The following CMSS1 variants were observed in gnomAD, a reference collection of about 807,000 sequenced individuals.
CMSS1 encodes protein CMSS1.
A neutral mutation model predicts 43.5 loss-of-function variants in CMSS1; 33 were observed. The observed-to-expected ratio is 0.76, with a 90% CI of 0.57 to 1.01. CMSS1 has a LOEUF of 1.01. CMSS1 is among the 50% of genes least tolerant of loss of function. The pLI is 0.00. For synonymous variants in CMSS1, 115 were observed against 117.2 expected (o/e 0.98, Z 0.12); for missense variants, 313 against 326.4 (o/e 0.96, Z 0.32).
intron 1 of CMSS1, among the ~76,000 whole-genome samples, chr3:99,996,628 C>T (rs1288380635): frequency 6.6e-6 from 1 of 152,068 alleles, no homozygotes; most frequent in East Asian, 1.9e-4. Flanking sequence ...CTTACAGTTC[C>T]ACATGTCTGG....
chr3:99,880,223 C>A (rs1162381897), intron 1 of CMSS1, among the ~76,000 whole-genome samples: 2 of 152,294 alleles, frequency 1.3e-5, no homozygotes, highest in Non-Finnish European at 2.9e-5. Flanking sequence ...AACCTCATTT[C>A]TTCACTCTTC....
intron 1 of CMSS1, among the ~76,000 whole-genome samples, chr3:99,868,335 T>C (rs890545141): frequency 1.4e-4 from 22 of 152,148 alleles, no homozygotes; most frequent in African/African-American, 4.3e-4. Flanking sequence ...CTTAATCCTT[T>C]ACTCCACTTC....
chr3:100,143,897 A>G (rs2066825143), intron 1 of CMSS1, among the ~76,000 whole-genome samples: 1 of 152,006 alleles, frequency 6.6e-6, no homozygotes, highest in Non-Finnish European at 1.5e-5. Flanking sequence ...TCCACTGACC[A>G]ATATTTTCAT....
chr3:100,162,161 A>T, intron 3 of CMSS1, 142 bp from the exon 4 acceptor site: 1 of 592,154 alleles, frequency 1.7e-6, no homozygotes, highest in Non-Finnish European at 2.9e-6. Flanking sequence ...GAATTTTCTC[A>T]AATGTATTTA....
At chr3:100,170,897 A>G (rs1234272841) in intron 6 of CMSS1, among the ~76,000 whole-genome samples, 2 of 152,228 alleles carry the variant, frequency 1.3e-5, no homozygotes, top group Non-Finnish European at 2.9e-5. Flanking sequence ...TTACCCTACA[A>G]GTGTTTGGCA....
chr3:100,139,078 A>C lies in CMSS1; in HGVS notation c.65-7895A>C, dbSNP rs557312876. Among the ~76,000 whole-genome samples, 51 of 152,254 alleles carry C rather than the reference A, an allele frequency of 3.3e-4. No individual in the cohort carries two copies. In the South Asian group the frequency reaches 0.01, roughly 30 times the overall value. On this transcript the variant is annotated intron_variant, in intron 1 of 9. Coordinates refer to ENST00000421999, the MANE Select transcript of CMSS1 (RefSeq NM_032359.4). ...AAGCTGGAAGCCATCATCCTCAGCAAACTAACCCAGGAACAGAAAACTAAA... is the reference window on the plus strand; with the variant it reads ...AAGCTGGAAGCCATCATCCTCAGCACACTAACCCAGGAACAGAAAACTAAA...
intron 1 of CMSS1, among the ~76,000 whole-genome samples, chr3:99,905,736 ATG>A (rs1210277434): frequency 6.6e-6 from 1 of 152,270 alleles, no homozygotes; most frequent in East Asian, 1.9e-4. Context: ...CCACCATTTG[ATG>A]TCTATTACTG....
chr3:100,001,912 G>A (rs956969365), intron 1 of CMSS1, among the ~76,000 whole-genome samples: 3 of 152,146 alleles, frequency 2.0e-5, no homozygotes, highest in South Asian at 2.1e-4. Context: ...GACCCAACAC[G>A]GTGTCGCCTA....
At chr3:99,838,703 T>C (rs1195957657) in intron 1 of CMSS1, among the ~76,000 whole-genome samples, 1 of 152,162 alleles carries the variant, frequency 6.6e-6, no homozygotes, top group Non-Finnish European at 1.5e-5. Context: ...CACTCCTCAG[T>C]TTTGTGACAT....
chr3:99,968,445 A>G (rs941184686), intron 1 of CMSS1, among the ~76,000 whole-genome samples: 1 of 151,468 alleles, frequency 6.6e-6, no homozygotes, highest in African/African-American at 2.4e-5. Flanking sequence ...AAAAAAAAAG[A>G]CTGAATGATA....
chr3:99,850,355 A>G (rs1328101006), intron 1 of CMSS1: 2 of 1,612,976 alleles, frequency 1.2e-6, no homozygotes, highest in African/African-American at 1.3e-5. Flanking sequence ...AGAGAGTAGC[A>G]TTCTTGTTTG....
In CMSS1 at chr3:99,818,016, C is replaced by G. The variant is rs139284369; in HGVS notation, c.37C>G (p.Gln13Glu). The change falls in exon 1 of 10, where the codon CAG (glutamine) becomes GAG (glutamate). Residue 13 changes from glutamine to glutamate, a missense_variant. Gln to Glu is a conservative substitution (Grantham distance 29). Coordinates refer to ENST00000421999, the MANE Select transcript of CMSS1 (RefSeq NM_032359.4). ...TCTCGGAGACGAGTGGTGGGAGAAC[C>G]AGCCGACTGGAGCAGGCAGCAGCCC... ...DDLGDEWWEN[Q>E]PTGAGSSPEA... 8.7e-6 allele frequency: 14 copies of G among 1,613,912 alleles called. No individual in the cohort carries two copies. Among genetic ancestry groups the G allele is most frequent in the Non-Finnish European group, 1.2e-5 (14 of 1,179,990 alleles).
At chr3:100,001,665 C>G (rs1228064323) in intron 1 of CMSS1, among the ~76,000 whole-genome samples, 3 of 152,250 alleles carry the variant, frequency 2.0e-5, no homozygotes, top group South Asian at 2.1e-4. Context: ...CACATCTTCT[C>G]CCTTTCTCTT....
At chr3:99,977,029 T>C (rs1484143420) in intron 1 of CMSS1, among the ~76,000 whole-genome samples, 2 of 152,188 alleles carry the variant, frequency 1.3e-5, no homozygotes, top group East Asian at 3.8e-4. Flanking sequence ...TTCTTAGATA[T>C]ATAGGGGAAT....
intron 2 of CMSS1, among the ~76,000 whole-genome samples, chr3:100,158,965 G>C (rs1377007575): frequency 6.6e-6 from 1 of 152,200 alleles, no homozygotes; most frequent in Non-Finnish European, 1.5e-5. Context: ...AGATAATGCA[G>C]TATAGTTTAA....
chr3:100,085,177 T>C (rs2065988384), intron 1 of CMSS1, among the ~76,000 whole-genome samples: 1 of 152,206 alleles, frequency 6.6e-6, no homozygotes, highest in African/African-American at 2.4e-5. Flanking sequence ...ATGGAATTGT[T>C]TTAAAAGTAT....
chr3:99,900,850 T>G (rs1013847581), intron 1 of CMSS1, among the ~76,000 whole-genome samples: 1 of 152,194 alleles, frequency 6.6e-6, no homozygotes, highest in African/African-American at 2.4e-5. Flanking sequence ...TCTCTGGTGA[T>G]TCTTACATGT....
intron 1 of CMSS1, among the ~76,000 whole-genome samples, chr3:100,132,818 CAAAAAAAAAAAA>C (rs537334560): frequency 1.4e-4 from 9 of 66,360 alleles, no homozygotes; most frequent in African/African-American, 3.6e-4. Flanking sequence ...GACTCCATCC[CAAAAAAAAAAAA>C]AAAAAAAAAA....
At chr3:100,014,895 CTTTTTT>C (rs1233573719) in intron 1 of CMSS1, among the ~76,000 whole-genome samples, 38 of 25,012 alleles carry the variant, frequency 1.5e-3, no homozygotes, top group African/African-American at 6.1e-3. Context: ...TTCTTTCTTT[CTTTTTT>C]TTTTTTTTTT....
Sources: gnomAD v4.1 joint callset for allele counts (sites outside exome capture counted in the v4.1 genomes callset) on GRCh38, gnomAD v4.1.1 for gene constraint, MANE v1.5 for transcripts, NCBI Gene and HGNC (gene_info 2026-07-23, HGNC 2026-07-21) for gene names.